GLIPR1: variants seen among roughly 807,000 people sequenced by gnomAD.
GLIPR1 encodes GLI pathogenesis related 1.
In GLIPR1, 38 loss-of-function variants were observed where a neutral mutation model predicts 30.3. The ratio of observed to expected loss-of-function variants is 1.26; its 90% confidence interval spans 0.97 to 1.65. The LOEUF (loss-of-function observed/expected upper bound fraction) is 1.65, where lower values mean the gene tolerates loss of function less well. Among genes scored for constraint, GLIPR1 ranks in the 40% most tolerant of loss-of-function variants. GLIPR1 has a pLI of 0.00. For missense variants in GLIPR1, 285 were observed against 326.5 expected (o/e 0.87, Z 0.98); for synonymous variants, 122 against 110.6 (o/e 1.10, Z -0.65).
intron 2 of GLIPR1, among the ~76,000 whole-genome samples, chr12:75,482,546 GCCATGCACTAGGCA>G (rs1462473637): frequency 5.3e-5 from 8 of 152,180 alleles, no homozygotes; most frequent in Non-Finnish European, 1.2e-4. Context: ...CCTACTGTGT[GCCATGCACTAGGCA>G]CCACGCACGG....
At chr12:75,481,360 T>A in intron 1 of GLIPR1, 2 of 26,968 alleles carry the variant, frequency 7.4e-5, no homozygotes, top group Non-Finnish European at 1.6e-4. Flanking sequence ...TGGTTTTCTT[T>A]TTTTTTTTTT....
In GLIPR1 at chr12:75,501,037, A is replaced by T. The variant is rs1485907975; in HGVS notation, c.*2059A>T. ...TCTGTTTCTGACCCAGTCTATGTAC[A>T]ATATTGCTGGTGAGCCCTCTCCCTT... On this transcript the variant is annotated 3_prime_UTR_variant, in exon 6 of 6. Transcript: ENST00000266659. The T allele has an allele frequency of 6.6e-6, 1 of 152,096 alleles. No individual in the cohort carries two copies. Among genetic ancestry groups the T allele is most frequent in the Non-Finnish European group, 1.5e-5 (1 of 68,004 alleles). 9.4% of individuals were successfully genotyped at this position (152,096 alleles called of 1,614,324 possible).
At chr12:75,491,891 A>T (rs982424356) in intron 3 of GLIPR1, 1 of 152,100 alleles carries the variant, frequency 6.6e-6, no homozygotes, top group Non-Finnish European at 1.5e-5. Context: ...AGATTGGCTG[A>T]AAGAAAGCCA....
chr12:75,486,461 A>C (rs1158177387), intron 2 of GLIPR1, among the ~76,000 whole-genome samples: 1 of 152,178 alleles, frequency 6.6e-6, no homozygotes, highest in Non-Finnish European at 1.5e-5. Context: ...TGGTATTGTT[A>C]TTATCCTCAT....
Position 75,495,564 on chromosome 12 carries a change from T to TTC in GLIPR1, c.534-11_534-10dup. The TTC allele has an allele frequency of 1.3e-6, 2 of 1,517,622 alleles. No homozygotes were observed. The highest frequency in any genetic ancestry group is 1.8e-6 in the Non-Finnish European group (2 of 1,093,078). The allele number at this position is 1,517,622 out of a possible 1,614,324, so 94.0% of individuals were successfully genotyped here. Reference sequence around the variant, plus strand: ...GAAAAACTTCTAATGGACATCCTTCTTCTGCTTTACAGAGGGAATTACCCA... The same window carrying TTC: ...GAAAAACTTCTAATGGACATCCTTCTTCTCTGCTTTACAGAGGGAATTACCCA... On this transcript the variant is annotated splice_polypyrimidine_tract_variant and intron_variant, in intron 3 of 5. Coordinates refer to ENST00000266659, the MANE Select transcript of GLIPR1 (RefSeq NM_006851.3).
At position 75,503,250 on chromosome 12, in the gene GLIPR1, G is replaced by A. The variant is rs2046406546; in HGVS notation, c.*4272G>A. ...GCAATGTCATATGCTAAACATGGGA[G>A]GGCACTGAGAGAATTAAGAGGAAAC... On this transcript the variant is annotated 3_prime_UTR_variant, in exon 6 of 6. Transcript: ENST00000266659. The A allele has an allele frequency of 6.6e-6, 1 of 152,112 alleles. No homozygotes were observed. The highest frequency in any genetic ancestry group is 1.5e-5 in the Non-Finnish European group (1 of 67,934). The allele number at this position is 152,112 out of a possible 1,614,324, so 9.4% of individuals were successfully genotyped here. A position where few individuals can be genotyped will look rare whatever the true frequency, so the allele number is the denominator to read the frequency against.
At chr12:75,481,158 T>C (rs1023626044) in intron 1 of GLIPR1, 104 bp downstream of exon 1, 4 of 796,890 alleles carry the variant, frequency 5.0e-6, no homozygotes, top group African/African-American at 3.5e-5. Flanking sequence ...TTTTTTTTCA[T>C]TGTGATTAAT....
chr12:75,501,521 T>C lies in GLIPR1; in HGVS notation c.*2543T>C, dbSNP rs898521897. 1.9e-6 allele frequency: 1 copy of C among 537,382 alleles called. No individual in the cohort carries two copies. Among genetic ancestry groups the C allele is most frequent in the Non-Finnish European group, 3.3e-6 (1 of 303,134 alleles). The allele number at this position is 537,382 out of a possible 1,614,324, so 33.3% of individuals were successfully genotyped here. On this transcript the variant is annotated 3_prime_UTR_variant, in exon 6 of 6. Transcript: ENST00000266659. ...CCAGAGGTCAGGAGAGGACTGTCAATCCAGTTTGCACTGAAATAGGCATTA... is the reference window on the plus strand; with the variant it reads ...CCAGAGGTCAGGAGAGGACTGTCAACCCAGTTTGCACTGAAATAGGCATTA...
intron 2 of GLIPR1, among the ~76,000 whole-genome samples, chr12:75,487,187 C>G (rs1378198226): frequency 2.6e-5 from 4 of 152,144 alleles, no homozygotes; most frequent in Non-Finnish European, 5.9e-5. Context: ...AAAGACAACA[C>G]TGAACACAGC....
chr12:75,499,658 A>C lies in GLIPR1; in HGVS notation c.*680A>C. On this transcript the variant is annotated 3_prime_UTR_variant, in exon 6 of 6. Coordinates refer to ENST00000266659, the MANE Select transcript of GLIPR1 (RefSeq NM_006851.3). ...TTTTCAAAAAATACAATAATAATAT[A>C]ATTTATAAAGAACACTCTTCTATGA... The C allele has an allele frequency of 2.4e-6, 1 of 411,470 alleles. No homozygotes were observed. Among genetic ancestry groups the C allele is most frequent in the Non-Finnish European group, 4.2e-6 (1 of 240,390 alleles). 25.5% of individuals were successfully genotyped at this position (411,470 alleles called of 1,614,324 possible).
rs1193374171 is a variant in GLIPR1, at chr12:75,499,091, A to G, written c.*113A>G. The G allele has an allele frequency of 3.3e-5, 20 of 605,788 alleles. No homozygotes were observed. Among genetic ancestry groups the G allele is most frequent in the South Asian group, 8.2e-5 (3 of 36,600 alleles). 37.5% of individuals were successfully genotyped at this position (605,788 alleles called of 1,614,324 possible). A position where few individuals can be genotyped will look rare whatever the true frequency, so the allele number is the denominator to read the frequency against. Reference sequence around the variant, plus strand: ...TTTAAAACATTTCAGAAAAAAATATATGTTATAGCAATACTCTTACTCAAA... The same window carrying G: ...TTTAAAACATTTCAGAAAAAAATATGTGTTATAGCAATACTCTTACTCAAA... On this transcript the variant is annotated 3_prime_UTR_variant, in exon 6 of 6. Transcript: ENST00000266659.
In GLIPR1 at chr12:75,480,919, T is replaced by G. The variant is rs749169338; in HGVS notation, c.39T>G (p.Ser13=). 2 of 1,613,892 alleles carry G rather than the reference T, an allele frequency of 1.2e-6. No homozygotes were observed. The highest frequency in any genetic ancestry group is 2.2e-5 in the South Asian group (2 of 91,056). The change falls in exon 1 of 6, where the codon TCT becomes TCG. Residue 13 remains serine (S), a synonymous_variant. Transcript: ENST00000266659. ...VTLATIAWMV[S]FVSNYSHTAN... ...TTGCTACAATAGCCTGGATGGTTTCTTTTGTCTCCAATTATTCACACACAG... is the reference window on the plus strand; with the variant it reads ...TTGCTACAATAGCCTGGATGGTTTCGTTTGTCTCCAATTATTCACACACAG...
chr12:75,481,006 C>G lies in GLIPR1; in HGVS notation c.126C>G (p.Asn42Lys), dbSNP rs1053257860. The G allele has an allele frequency of 9.3e-6, 15 of 1,613,884 alleles. No homozygotes were observed. Among genetic ancestry groups the G allele is most frequent in the Non-Finnish European group, 1.3e-5 (15 of 1,179,786 alleles). The change falls in exon 1 of 6, where the codon AAC (asparagine) becomes AAG (lysine). Residue 42 changes from asparagine (N) to lysine (K), a missense_variant. Coordinates refer to ENST00000266659, the MANE Select transcript of GLIPR1 (RefSeq NM_006851.3). ...DFIKDCVRIHNKFRSEVKPTA... is the reference protein window; with the variant it reads ...DFIKDCVRIHKKFRSEVKPTA... ...TCAAAGACTGCGTTCGAATCCATAA[C>G]AAGTTCCGATCAGAGGTGAAACCAA...
intron 4 of GLIPR1, chr12:75,498,171 GCT>G (rs2046363299): frequency 1.3e-5 from 2 of 152,022 alleles, no homozygotes; most frequent in African/African-American, 2.4e-5. Context: ...TCTTCCCAGT[GCT>G]CTGATTGTCA....
Position 75,500,075 on chromosome 12 carries a change from T to G in GLIPR1, c.*1097T>G, listed in dbSNP as rs1273100487. The G allele has an allele frequency of 5.8e-6, 4 of 694,920 alleles. No individual in the cohort carries two copies. The African/African-American group carries it at 7.6e-5, about 13-fold the overall frequency. 43.0% of individuals were successfully genotyped at this position (694,920 alleles called of 1,614,324 possible). A position where few individuals can be genotyped will look rare whatever the true frequency, so the allele number is the denominator to read the frequency against. Reference sequence around the variant, plus strand: ...ACTTCAGAGTATTCTTATAATTGAATAATTGAAAGGTGATCACAGTATAAA... The same window carrying G: ...ACTTCAGAGTATTCTTATAATTGAAGAATTGAAAGGTGATCACAGTATAAA... On this transcript the variant is annotated 3_prime_UTR_variant, in exon 6 of 6. Transcript: ENST00000266659.
At chr12:75,495,455 C>A in intron 3 of GLIPR1, 122 bp from the exon 4 acceptor site, 1 of 599,576 alleles carries the variant, frequency 1.7e-6, no homozygotes, top group Non-Finnish European at 3.1e-6. Flanking sequence ...CTTCTATTAC[C>A]AACTCTCTGG....
chr12:75,502,009 A>G lies in GLIPR1; in HGVS notation c.*3031A>G, dbSNP rs1234380699. 3 of 1,602,250 alleles carry G rather than the reference A, an allele frequency of 1.9e-6. No homozygotes were observed. The African/African-American group carries it at 4.0e-5, about 21-fold the overall frequency. ...GCCAATTCTTTATCGATCTGTTGAA[A>G]ACGGTATTTACAATTACATCAGAAA... is the stretch of plus-strand genomic sequence containing the variant. On this transcript the variant is annotated 3_prime_UTR_variant, in exon 6 of 6. Coordinates refer to ENST00000266659, the MANE Select transcript of GLIPR1 (RefSeq NM_006851.3).
In GLIPR1 at chr12:75,501,516, G is replaced by A; in HGVS notation, c.*2538G>A. The A allele has an allele frequency of 1.9e-6, 1 of 530,768 alleles. No homozygotes were observed. 32.9% of individuals were successfully genotyped at this position (530,768 alleles called of 1,614,324 possible). A position where few individuals can be genotyped will look rare whatever the true frequency, so the allele number is the denominator to read the frequency against. On this transcript the variant is annotated 3_prime_UTR_variant, in exon 6 of 6. Coordinates refer to ENST00000266659, the MANE Select transcript of GLIPR1 (RefSeq NM_006851.3). ...ACAGACCAGAGGTCAGGAGAGGACT[G>A]TCAATCCAGTTTGCACTGAAATAGG... is the stretch of plus-strand genomic sequence containing the variant.
intron 5 of GLIPR1, 28 bp from the exon 6 acceptor site, chr12:75,498,796 A>G: frequency 6.2e-7 from 1 of 1,611,602 alleles, no homozygotes; most frequent in African/African-American, 1.3e-5. Context: ...AACAATGTCT[A>G]AGAGGATATT....
Sources: allele counts gnomAD v4.1 joint callset (sites outside exome capture counted in the v4.1 genomes callset), GRCh38; gene constraint gnomAD v4.1.1; transcripts MANE v1.5; gene names NCBI Gene and HGNC (gene_info 2026-07-23, HGNC 2026-07-21).